GREM2: variants seen among roughly 807,000 people sequenced by gnomAD.
GREM2 encodes the protein gremlin 2, DAN family BMP antagonist, also known as gremlin-2.
GREM2 carries 11 observed loss-of-function variants against 14.2 expected under a neutral mutation model. The ratio of observed to expected loss-of-function variants is 0.78; its 90% confidence interval spans 0.49 to 1.28. GREM2 has a LOEUF of 1.28. Ranked by LOEUF, GREM2 falls within the 50% of genes most tolerant of loss-of-function variation. GREM2 has a pLI of 0.00. For synonymous variants in GREM2, 98 were observed against 97.6 expected (o/e 1.00, Z -0.02); for missense variants, 210 against 218.5 (o/e 0.96, Z 0.24).
chr1:240,519,273 TA>T (rs1258475779), intron 1 of GREM2, among the ~76,000 whole-genome samples: 1 of 152,166 alleles, frequency 6.6e-6, no homozygotes, highest in Non-Finnish European at 1.5e-5. Flanking sequence ...CATGATGATA[TA>T]GGTAGCTCCT....
Position 240,587,574 on chromosome 1 carries a change from A to G in GREM2, c.-2+24310T>C, listed in dbSNP as rs1679622580. ...TGGGCTCAAGTGATCCACCTGCCTC[A>G]GCCTCCCAAAGTGCTAGGATTATAG... is the stretch of plus-strand genomic sequence containing the variant. On this transcript the variant is annotated intron_variant, in intron 1 of 1. Transcript: ENST00000318160. Among the ~76,000 whole-genome samples, 2 of 152,130 alleles carry G rather than the reference A, an allele frequency of 1.3e-5. 1 individual carries two copies. Among genetic ancestry groups the G allele is most frequent in the Admixed American group, 1.3e-4 (2 of 15,256 alleles).
intron 1 of GREM2, chr1:240,549,760 AG>A (rs949756720): frequency 6.6e-6 from 1 of 152,320 alleles, no homozygotes; most frequent in Non-Finnish European, 1.5e-5. Flanking sequence ...CAAGGCAGAA[AG>A]GGGAAGGTAC....
At chr1:240,594,370 A>G (rs1178855737) in intron 1 of GREM2, among the ~76,000 whole-genome samples, 20 of 152,210 alleles carry the variant, frequency 1.3e-4, no homozygotes, top group Non-Finnish European at 1.6e-4. Flanking sequence ...CAGTCACTGC[A>G]TGGAATTGAT....
chr1:240,553,227 A>G lies in GREM2; in HGVS notation c.-2+58657T>C, dbSNP rs1395276670. ...TTATCGAGAGCGTTAGCATGAGCAG[A>G]AGAAAGGTATTTCCAGCCTTATCAT... On this transcript the variant is annotated intron_variant, in intron 1 of 1. Transcript: ENST00000318160. Among the ~76,000 whole-genome samples, 3 of 152,196 alleles carry G rather than the reference A, an allele frequency of 2.0e-5. No homozygotes were observed. In the East Asian group the frequency reaches 5.8e-4, roughly 29 times the overall value.
intron 1 of GREM2, among the ~76,000 whole-genome samples, chr1:240,521,875 GC>G (rs1572379898): frequency 6.6e-6 from 1 of 152,122 alleles, no homozygotes; most frequent in East Asian, 1.9e-4. Context: ...ACTCTGGAAG[GC>G]CGAGGTGGGC....
In GREM2 at chr1:240,492,244, G is replaced by C. The variant is rs1162895726; in HGVS notation, c.*725C>G. 2.2e-6 allele frequency: 1 copy of C among 452,782 alleles called. No homozygotes were observed. The highest frequency in any genetic ancestry group is 4.5e-6 in the Non-Finnish European group (1 of 224,590). The allele number at this position is 452,782 out of a possible 1,614,324, so 28.0% of individuals were successfully genotyped here. A position where few individuals can be genotyped will look rare whatever the true frequency, so the allele number is the denominator to read the frequency against. ...GCATGCACACCAGAGTTCATCTTTAGTCCACAAATAGGGGGCGGGGACAGT... is the reference window on the plus strand; with the variant it reads ...GCATGCACACCAGAGTTCATCTTTACTCCACAAATAGGGGGCGGGGACAGT... On this transcript the variant is annotated 3_prime_UTR_variant, in exon 2 of 2. Transcript: ENST00000318160.
At chr1:240,498,280 A>AG (rs1334468602) in intron 1 of GREM2, among the ~76,000 whole-genome samples, 3 of 152,214 alleles carry the variant, frequency 2.0e-5, no homozygotes, top group African/African-American at 7.2e-5. Context: ...ACTTTCAGGA[A>AG]GGGGGAAAAG....
rs184929821 is a variant in GREM2, at chr1:240,549,540, A to C, written c.-1-56064T>G. The stretch of plus-strand genomic sequence containing the variant: ...CAATACAGAATCAAATATTAAAGAC[A>C]CAACAAAAAAACCGGTGCATCTGAA... On this transcript the variant is annotated intron_variant, in intron 1 of 1. Transcript: ENST00000318160. 2.1e-3 allele frequency among the ~76,000 whole-genome samples: 324 copies of C among 152,302 alleles called. 1 individual carries two copies. Among genetic ancestry groups the C allele is most frequent in the African/African-American group, 7.5e-3 (312 of 41,560 alleles).
intron 1 of GREM2, among the ~76,000 whole-genome samples, chr1:240,556,071 T>C (rs565193344): frequency 1.3e-5 from 2 of 152,344 alleles, no homozygotes; most frequent in East Asian, 3.9e-4. Context: ...GAGAGATTGA[T>C]GTTAGCCATC....
chr1:240,495,024 A>G (rs1481384461), intron 1 of GREM2, among the ~76,000 whole-genome samples: 1 of 152,248 alleles, frequency 6.6e-6, no homozygotes, highest in Non-Finnish European at 1.5e-5. Context: ...TAGGAATGAG[A>G]ATTGGACAGA....
intron 1 of GREM2, among the ~76,000 whole-genome samples, chr1:240,610,777 C>G (rs1680116266): frequency 6.6e-6 from 1 of 152,192 alleles, no homozygotes; most frequent in South Asian, 2.1e-4. Flanking sequence ...CAGAGCCATT[C>G]TCTGGCTGTA....
rs368716054 is a variant in GREM2, at chr1:240,538,746, A to T, written c.-1-45270T>A. On this transcript the variant is annotated intron_variant, in intron 1 of 1. Coordinates refer to ENST00000318160, the MANE Select transcript of GREM2 (RefSeq NM_022469.4). Reference sequence around the variant, plus strand: ...AAAACAAACAAACAAACAACAAAAAACTTTTTAGAACCATGTTTGGTAAAC... The same window carrying T: ...AAAACAAACAAACAAACAACAAAAATCTTTTTAGAACCATGTTTGGTAAAC... Among the ~76,000 whole-genome samples the T allele has an allele frequency of 1.4e-4, 21 of 152,102 alleles. No individual in the cohort carries two copies. The East Asian group carries it at 2.3e-3, about 17-fold the overall frequency.
At chr1:240,513,303 G>A (rs980580734) in intron 1 of GREM2, among the ~76,000 whole-genome samples, 2 of 152,142 alleles carry the variant, frequency 1.3e-5, no homozygotes, top group Non-Finnish European at 2.9e-5. Context: ...GTGACCGGGC[G>A]CAGTGGCTCA....
rs200399195 is a variant in GREM2 at position 240,593,445 on chromosome 1, G to C, written c.-2+18439C>G. Among the ~76,000 whole-genome samples, 339 of 152,338 alleles carry C rather than the reference G, an allele frequency of 2.2e-3. 2 individuals are homozygous for C. Among genetic ancestry groups the C allele is most frequent in the Non-Finnish European group, 4.1e-3 (279 of 68,044 alleles). On this transcript the variant is annotated intron_variant, in intron 1 of 1. Coordinates refer to ENST00000318160, the MANE Select transcript of GREM2 (RefSeq NM_022469.4). ...GTTATGAGTTGGGAGACCAGTGGAA[G>C]ACCAACATATAACTTACCTCTCTGA...
At chr1:240,521,312 T>C (rs147193847) in intron 1 of GREM2, among the ~76,000 whole-genome samples, 73 of 152,298 alleles carry the variant, frequency 4.8e-4, no homozygotes, top group Non-Finnish European at 8.8e-4. Flanking sequence ...CTCACGCCTG[T>C]AATCCCAGCA....
Position 240,490,680 on chromosome 1 carries a change from T to C in GREM2, c.*2289A>G, listed in dbSNP as rs1677226469. On this transcript the variant is annotated 3_prime_UTR_variant, in exon 2 of 2. Transcript: ENST00000318160. The stretch of plus-strand genomic sequence containing the variant: ...AGGAGCTTCACACTGCAGCATATCA[T>C]ATTGCTTTCATTGCTACACCCACAA... The C allele has an allele frequency of 6.6e-6, 1 of 152,416 alleles. No homozygotes were observed. The highest frequency in any genetic ancestry group is 1.5e-5 in the Non-Finnish European group (1 of 68,036). 9.4% of individuals were successfully genotyped at this position (152,416 alleles called of 1,614,324 possible).
At chr1:240,559,048 G>A (rs1013492547) in intron 1 of GREM2, among the ~76,000 whole-genome samples, 14 of 151,958 alleles carry the variant, frequency 9.2e-5, no homozygotes, top group African/African-American at 2.7e-4. Context: ...CCCTTTCTAC[G>A]TAATTATTGT....
intron 1 of GREM2, among the ~76,000 whole-genome samples, chr1:240,589,735 G>A (rs1007755705): frequency 7.2e-5 from 11 of 152,162 alleles, no homozygotes; most frequent in Admixed American, 2.0e-4. Flanking sequence ...AGGAGGGAAG[G>A]TGATGTGGGT....
intron 1 of GREM2, among the ~76,000 whole-genome samples, chr1:240,571,698 CAA>C (rs1264364304): frequency 6.6e-6 from 1 of 150,978 alleles, no homozygotes; most frequent in African/African-American, 2.4e-5. Flanking sequence ...AACTCCATCG[CAA>C]AAAAAGAAAA....
Sources: gnomAD v4.1 joint callset for allele counts (sites outside exome capture counted in the v4.1 genomes callset) on GRCh38, gnomAD v4.1.1 for gene constraint, MANE v1.5 for transcripts, NCBI Gene and HGNC (gene_info 2026-07-23, HGNC 2026-07-21) for gene names.